Variants in COL21A1 observed in about 807,000 individuals in gnomAD.
COL21A1 encodes the protein collagen type XXI alpha 1 chain, also known as collagen alpha-1(XXI) chain.
COL21A1 carries 149 observed loss-of-function variants against 137.9 expected under a neutral mutation model. The observed-to-expected ratio is 1.08, with a 90% CI of 0.95 to 1.24. The LOEUF is 1.24. COL21A1 is among the 50% of genes most tolerant of loss of function. The pLI is 0.00. For synonymous variants in COL21A1, 456 were observed against 391.5 expected (o/e 1.16, Z -1.95); for missense variants, 1,167 against 1,158.4 (o/e 1.01, Z -0.11).
chr6:56,069,498 T>C (rs932172245), intron 21 of COL21A1, among the ~76,000 whole-genome samples: 1 of 150,888 alleles, frequency 6.6e-6, no homozygotes, highest in Non-Finnish European at 1.5e-5. Context: ...TTTTCTCAAA[T>C]TGCTACTTTA....
At chr6:56,180,754 T>A (rs1472722916) in intron 2 of COL21A1, among the ~76,000 whole-genome samples, 1 of 152,206 alleles carries the variant, frequency 6.6e-6, no homozygotes, top group East Asian at 1.9e-4. Context: ...TATAAAATTA[T>A]CTCATTATCA....
intron 1 of COL21A1, among the ~76,000 whole-genome samples, chr6:56,340,241 A>C (rs1254342345): frequency 1.3e-5 from 2 of 152,142 alleles, no homozygotes; most frequent in Admixed American, 1.3e-4. Flanking sequence ...GGTTTCCTCC[A>C]TTCCATTCTC....
chr6:56,191,046 A>G (rs1176441584), intron 1 of COL21A1, among the ~76,000 whole-genome samples: 1 of 152,224 alleles, frequency 6.6e-6, no homozygotes, highest in Non-Finnish European at 1.5e-5. Flanking sequence ...AACCGTCACA[A>G]GACAAGGATG....
chr6:56,059,513 A>G (rs1348093553), intron 28 of COL21A1, among the ~76,000 whole-genome samples: 24 of 152,200 alleles, frequency 1.6e-4, no homozygotes, highest in Non-Finnish European at 3.5e-4. Context: ...GTTTTTTAAA[A>G]TTACTTTATG....
At chr6:56,180,671 T>C (rs1024491837) in intron 2 of COL21A1, among the ~76,000 whole-genome samples, 2 of 152,216 alleles carry the variant, frequency 1.3e-5, no homozygotes, top group African/African-American at 4.8e-5. Flanking sequence ...GAACAAGTTA[T>C]AAGCAGTTGT....
rs1770450447 is a variant in COL21A1 at position 56,101,475 on chromosome 6, C to G, written c.1809G>C (p.Glu603Asp). The G allele has an allele frequency of 6.3e-7, 1 of 1,592,562 alleles. No individual in the cohort carries two copies. Among genetic ancestry groups the G allele is most frequent in the Non-Finnish European group, 8.6e-7 (1 of 1,167,540 alleles). Residue 603 changes from glutamate to aspartate, a missense_variant, in exon 17 of 30, where the codon GAG becomes GAC. Coordinates refer to ENST00000244728, the MANE Select transcript of COL21A1 (RefSeq NM_030820.4). ...GAPGQDGTRG[E>D]PGIPGFPGNR... ...ACTGAAATGAGAAGGTACTCACAGG[C>G]TCTCCCCGTGTTCCATCCTGCCCCG...
At chr6:56,184,160 C>T (rs1561959491) in intron 1 of COL21A1, among the ~76,000 whole-genome samples, 1 of 151,970 alleles carries the variant, frequency 6.6e-6, no homozygotes, top group Non-Finnish European at 1.5e-5. Flanking sequence ...TTAATGAAAG[C>T]CACAATTCTC....
At chr6:56,262,784 C>T (rs567468680) in intron 1 of COL21A1, among the ~76,000 whole-genome samples, 9 of 152,164 alleles carry the variant, frequency 5.9e-5, no homozygotes, top group Admixed American at 3.9e-4. Context: ...CTAACTATAC[C>T]AGAAGCAGCC....
intron 1 of COL21A1, among the ~76,000 whole-genome samples, chr6:56,338,032 G>A (rs1281071698): frequency 2.1e-5 from 3 of 146,300 alleles, no homozygotes; most frequent in Admixed American, 1.4e-4. Context: ...GCGCAATCTC[G>A]GCTCACTGCA....
chr6:56,185,947 A>C (rs1326128447), intron 1 of COL21A1, among the ~76,000 whole-genome samples: 2 of 152,098 alleles, frequency 1.3e-5, no homozygotes, highest in Admixed American at 1.3e-4. Flanking sequence ...AATAAAGGAG[A>C]AGTGAACTCC....
chr6:56,303,319 G>A (rs1764349754), intron 1 of COL21A1, among the ~76,000 whole-genome samples: 1 of 152,096 alleles, frequency 6.6e-6, no homozygotes, highest in South Asian at 2.1e-4. Context: ...AATTACCTTG[G>A]GCAGTATGGC....
chr6:56,296,709 G>A (rs879795626), intron 1 of COL21A1, among the ~76,000 whole-genome samples: 1 of 151,960 alleles, frequency 6.6e-6, no homozygotes, highest in South Asian at 2.1e-4. Context: ...CAGGGATGGT[G>A]AGATTGGAGG....
rs1774445103 is a variant in COL21A1 at position 56,141,929 on chromosome 6, C to T, written c.1488+1G>A. 1 of 1,552,982 alleles carries T rather than the reference C, an allele frequency of 6.4e-7. No homozygotes were observed. The highest frequency in any genetic ancestry group is 1.4e-5 in the African/African-American group (1 of 72,824). ...AAAATGTATATAAGTGGATCACATA[C>T]TTGTATTCCTGGAGATCCTGGAACA... On this transcript the variant is annotated splice_donor_variant, in intron 11 of 29. Transcript: ENST00000244728. LOFTEE classifies it high-confidence loss of function.
chr6:56,195,064 T>G (rs1778933904), intron 1 of COL21A1, among the ~76,000 whole-genome samples: 1 of 152,210 alleles, frequency 6.6e-6, no homozygotes, highest in South Asian at 2.1e-4. Flanking sequence ...CCTCACCATG[T>G]GATGCCCTCT....
chr6:56,244,250 T>C (rs1046178395), intron 1 of COL21A1, among the ~76,000 whole-genome samples: 2 of 152,214 alleles, frequency 1.3e-5, no homozygotes, highest in African/African-American at 4.8e-5. Context: ...CTGTGGGGCA[T>C]TGCAATATTG....
At chr6:56,236,531 G>T (rs934765607) in intron 1 of COL21A1, among the ~76,000 whole-genome samples, 2 of 152,014 alleles carry the variant, frequency 1.3e-5, no homozygotes, top group African/African-American at 4.8e-5. Context: ...ACTAGAGTGT[G>T]TCTAAACAGA....
chr6:56,381,750 G>A (rs935556326), intron 1 of COL21A1, among the ~76,000 whole-genome samples: 5 of 152,156 alleles, frequency 3.3e-5, no homozygotes, highest in African/African-American at 1.2e-4. Flanking sequence ...GCAAAATAAG[G>A]AATGTTTTGT....
chr6:56,085,824 G>A (rs1768191603), intron 17 of COL21A1, among the ~76,000 whole-genome samples: 1 of 151,502 alleles, frequency 6.6e-6, no homozygotes, highest in Admixed American at 6.6e-5. Context: ...CTGTGGATCA[G>A]AGCTTGAGAA....
intron 1 of COL21A1, among the ~76,000 whole-genome samples, chr6:56,304,880 A>G (rs1342888202): frequency 1.3e-5 from 2 of 152,126 alleles, no homozygotes; most frequent in African/African-American, 4.8e-5. Flanking sequence ...AGTGCTATAA[A>G]TTTCCCTCTA....
Sources: allele counts gnomAD v4.1 joint callset (sites outside exome capture counted in the v4.1 genomes callset), GRCh38; gene constraint gnomAD v4.1.1; transcripts MANE v1.5; gene names NCBI Gene and HGNC (gene_info 2026-07-23, HGNC 2026-07-21).